TBCE: variants seen among roughly 807,000 people sequenced by gnomAD.
TBCE encodes tubulin-specific chaperone E.
In TBCE, 53 loss-of-function variants were observed where a neutral mutation model predicts 77.0. That is an observed-to-expected ratio of 0.69 (90% confidence interval 0.55 to 0.87). The LOEUF (loss-of-function observed/expected upper bound fraction) is 0.87, where lower values mean the gene tolerates loss of function less well. Ranked by LOEUF, TBCE falls within the 40% of genes least tolerant of loss-of-function variation. TBCE has a pLI of 0.00. For synonymous variants in TBCE, 235 were observed against 241.3 expected (o/e 0.97, Z 0.24); for missense variants, 624 against 622.4 (o/e 1.00, Z -0.03).
At chr1:235,390,379 T>C (rs2102834175) in intron 2 of TBCE, among the ~76,000 whole-genome samples, 1 of 152,254 alleles carries the variant, frequency 6.6e-6, no homozygotes, top group South Asian at 2.1e-4. Context: ...GGAATTAAGG[T>C]TGCTAATCAG....
chr1:235,430,795 G>A lies in TBCE; in HGVS notation c.651G>A (p.Thr217=), dbSNP rs768432327. The A allele has an allele frequency of 8.7e-6, 14 of 1,612,492 alleles. No individual in the cohort carries two copies. In the Admixed American group the frequency reaches 1.3e-4, roughly 15 times the overall value. ...KVLVLNQTGI[T]WAEVLRCVAG... is the part of the protein sequence containing the mutation. ...TAGTCCTCAATCAAACAGGAATAACGTGGGCTGAGGTAATCATATTTCTTT... is the reference window on the plus strand; with the variant it reads ...TAGTCCTCAATCAAACAGGAATAACATGGGCTGAGGTAATCATATTTCTTT... Residue 217 remains threonine (T), a synonymous_variant, in exon 7 of 17, where the codon ACG becomes ACA. Transcript: ENST00000642610.
intron 2 of TBCE, among the ~76,000 whole-genome samples, chr1:235,383,531 T>C (rs1472841828): frequency 6.6e-5 from 10 of 152,116 alleles, no homozygotes; most frequent in Admixed American, 2.6e-4. Context: ...AGGTCCTTCA[T>C]GTCCCTTGTA....
chr1:235,410,152 C>A (rs1679700583), intron 3 of TBCE, among the ~76,000 whole-genome samples: 1 of 143,460 alleles, frequency 7.0e-6, no homozygotes, highest in South Asian at 2.1e-4. Flanking sequence ...GAGGCTGAGG[C>A]AGGAGAATTG....
chr1:235,382,814 G>A (rs1677761866), intron 2 of TBCE, among the ~76,000 whole-genome samples: 1 of 148,490 alleles, frequency 6.7e-6, no homozygotes, highest in Non-Finnish European at 1.5e-5. Flanking sequence ...AAGCTCTTTA[G>A]TTTAATTAGA....
At chr1:235,399,781 G>A (rs922069409) in intron 2 of TBCE, among the ~76,000 whole-genome samples, 2 of 152,214 alleles carry the variant, frequency 1.3e-5, no homozygotes, top group African/African-American at 4.8e-5. Context: ...TTTGAAGCTG[G>A]TCGGTCAGAA....
At chr1:235,402,097 C>T (rs1679146567) in intron 3 of TBCE, among the ~76,000 whole-genome samples, 2 of 147,732 alleles carry the variant, frequency 1.4e-5, no homozygotes, top group Non-Finnish European at 3.0e-5. Flanking sequence ...CGGAGTCTCA[C>T]TCTGTCGCCC....
chr1:235,436,335 A>G (rs761052219), intron 9 of TBCE, 51 bp from the exon 10 acceptor site: 62 of 1,566,254 alleles, frequency 4.0e-5, no homozygotes, highest in South Asian at 1.8e-4. Flanking sequence ...TTGATACCCC[A>G]TAGCATTTTA....
intron 1 of TBCE, among the ~76,000 whole-genome samples, chr1:235,374,675 A>G (rs1677180182): frequency 7.0e-6 from 1 of 141,954 alleles, no homozygotes; most frequent in Non-Finnish European, 1.5e-5. Flanking sequence ...TAATTTTTGT[A>G]TTTTTAGTAG....
intron 4 of TBCE, among the ~76,000 whole-genome samples, chr1:235,417,462 A>G (rs74148500): frequency 0.024 from 3,582 of 152,336 alleles, 151 homozygotes; most frequent in African/African-American, 0.081. Flanking sequence ...TTTGTTTTAT[A>G]AAAAAGCAAG....
At chr1:235,403,639 G>A (rs1477490101) in intron 3 of TBCE, among the ~76,000 whole-genome samples, 1 of 152,180 alleles carries the variant, frequency 6.6e-6, no homozygotes. Flanking sequence ...TGGTTGCTCT[G>A]AGCAGAAAAA....
intron 2 of TBCE, among the ~76,000 whole-genome samples, chr1:235,400,065 G>C (rs112308098): frequency 1.3e-5 from 2 of 151,982 alleles, no homozygotes; most frequent in African/African-American, 4.8e-5. Context: ...TTATTTAGAG[G>C]TAAGTCTAGA....
Position 235,435,947 on chromosome 1 carries a change from G to A in TBCE, c.833+107G>A, listed in dbSNP as rs1005945208. On this transcript the variant is annotated intron_variant, in intron 9 of 16. Transcript: ENST00000642610. ...TCAATAGAAACGTGGTAACAATGAT[G>A]GAATTTCTAAATTGAGTAATTCCCT... is the stretch of plus-strand genomic sequence containing the variant. 4 of 1,031,972 alleles carry A rather than the reference G, an allele frequency of 3.9e-6. No individual in the cohort carries two copies. In the African/African-American group the frequency reaches 6.4e-5, roughly 17 times the overall value. The allele number at this position is 1,031,972 out of a possible 1,614,324, so 63.9% of individuals were successfully genotyped here. A position where few individuals can be genotyped will look rare whatever the true frequency, so the allele number is the denominator to read the frequency against.
intron 2 of TBCE, among the ~76,000 whole-genome samples, chr1:235,382,384 C>CT: frequency 6.6e-6 from 1 of 152,282 alleles, no homozygotes; most frequent in Non-Finnish European, 1.5e-5. Flanking sequence ...CCCAAGGAAT[C>CT]GCCACACTGA....
chr1:235,423,317 G>A (rs934402801), intron 5 of TBCE, among the ~76,000 whole-genome samples: 2 of 152,074 alleles, frequency 1.3e-5, no homozygotes, highest in South Asian at 2.1e-4. Flanking sequence ...TGGGAGGGGC[G>A]ACCACATATT....
rs576379686 is a variant in TBCE, at chr1:235,386,293, C to T, written c.100+6144C>T. ...TTATGTGTCTTGGAGTTGCTCTTCT[C>T]GAGGAGTATCTTTGTGGCATTCTCT... On this transcript the variant is annotated intron_variant, in intron 2 of 16. Transcript: ENST00000642610. 5.5e-3 allele frequency among the ~76,000 whole-genome samples: 835 copies of T among 152,182 alleles called. 7 individuals are homozygous for T. The highest frequency in any genetic ancestry group is 0.019 in the African/African-American group (804 of 41,530).
At chr1:235,443,866 AAGT>A in intron 15 of TBCE, among the ~76,000 whole-genome samples, 1 of 152,356 alleles carries the variant, frequency 6.6e-6, no homozygotes, top group South Asian at 2.1e-4. Context: ...TGTGTCAATA[AAGT>A]AGATCAACAT....
At chr1:235,411,088 A>C (rs1193679865) in intron 3 of TBCE, among the ~76,000 whole-genome samples, 1 of 152,240 alleles carries the variant, frequency 6.6e-6, no homozygotes, top group Non-Finnish European at 1.5e-5. Context: ...TGTTTAAATC[A>C]AGCTAATAAG....
chr1:235,390,433 T>A (rs957391266), intron 2 of TBCE, among the ~76,000 whole-genome samples: 1 of 151,954 alleles, frequency 6.6e-6, no homozygotes, highest in African/African-American at 2.4e-5. Flanking sequence ...CCAGTTGGGC[T>A]CAGTGTAATC....
intron 2 of TBCE, among the ~76,000 whole-genome samples, chr1:235,392,650 A>G (rs1184508949): frequency 6.6e-6 from 1 of 151,484 alleles, no homozygotes; most frequent in Non-Finnish European, 1.5e-5. Context: ...ACCTCAGGTG[A>G]TCCGCCCACC....
Sources: gnomAD v4.1 joint callset for allele counts (sites outside exome capture counted in the v4.1 genomes callset) on GRCh38, gnomAD v4.1.1 for gene constraint, MANE v1.5 for transcripts, NCBI Gene and HGNC (gene_info 2026-07-23, HGNC 2026-07-21) for gene names.